Variants in FABP6 observed in about 807,000 individuals in gnomAD.
FABP6 encodes the protein gastrotropin.
In FABP6, 13 loss-of-function variants were observed where a neutral mutation model predicts 14.9. The observed-to-expected ratio is 0.87, with a 90% CI of 0.57 to 1.39. The LOEUF is 1.39. Among genes scored for constraint, FABP6 ranks in the 40% most tolerant of loss-of-function variants. The probability of loss-of-function intolerance (pLI) is 0.00; values close to 1 mark genes in which losing one functional copy is unlikely to be tolerated. For synonymous variants in FABP6, 75 were observed against 63.6 expected (o/e 1.18, Z -0.85); for missense variants, 161 against 167.2 (o/e 0.96, Z 0.20).
At chr5:160,204,120 T>C (rs1376042309) in intron 2 of FABP6, among the ~76,000 whole-genome samples, 2 of 139,226 alleles carry the variant, frequency 1.4e-5, no homozygotes, top group African/African-American at 2.7e-5. Context: ...GCCTAGGCAA[T>C]AGAGTGAGAC....
chr5:160,232,381 C>A (rs1760409816), intron 2 of FABP6, 108 bp downstream of exon 2: 1 of 1,208,310 alleles, frequency 8.3e-7, no homozygotes. Flanking sequence ...TCCAGTTTGG[C>A]CTCCAGCATT....
At chr5:160,198,838 C>A in intron 1 of FABP6, 1 of 498,478 alleles carries the variant, frequency 2.0e-6, no homozygotes, top group Non-Finnish European at 3.6e-6. Flanking sequence ...CAAATACTGG[C>A]CCATCATCCT....
intron 3 of FABP6, among the ~76,000 whole-genome samples, chr5:160,219,740 C>A (rs991796193): frequency 6.6e-6 from 1 of 152,124 alleles, no homozygotes; most frequent in Non-Finnish European, 1.5e-5. Context: ...GGGAGTTAAG[C>A]GGGGGCCTGG....
At chr5:160,209,811 A>C (rs1759848969) in intron 2 of FABP6, among the ~76,000 whole-genome samples, 1 of 152,102 alleles carries the variant, frequency 6.6e-6, no homozygotes, top group Non-Finnish European at 1.5e-5. Context: ...TTGGCCTCTC[A>C]AAGTGCTGGG....
chr5:160,224,297 G>A (rs1760197151), intron 3 of FABP6, among the ~76,000 whole-genome samples: 2 of 151,994 alleles, frequency 1.3e-5, no homozygotes, highest in South Asian at 2.1e-4. Flanking sequence ...GATGGTGAAT[G>A]CCTGTGATCC....
chr5:160,229,312 A>G, upstream of FABP6: 1 of 758,014 alleles, frequency 1.3e-6, no homozygotes, highest in East Asian at 3.2e-5. Flanking sequence ...TGCCATCCTG[A>G]CCCTGCTGGC....
At chr5:160,232,906 T>A (rs966044013) in intron 2 of FABP6, among the ~76,000 whole-genome samples, 1 of 147,558 alleles carries the variant, frequency 6.8e-6, no homozygotes, top group South Asian at 2.1e-4. Flanking sequence ...CACAAAAAAA[T>A]AAATAAATAA....
intron 1 of FABP6, among the ~76,000 whole-genome samples, chr5:160,193,231 A>G (rs1257939081): frequency 2.6e-5 from 4 of 151,012 alleles, no homozygotes; most frequent in Non-Finnish European, 4.4e-5. Context: ...GAAACTGCAG[A>G]CTTTCGCGGT....
At chr5:160,191,690 G>T (rs944332927) in intron 1 of FABP6, among the ~76,000 whole-genome samples, 3 of 150,956 alleles carry the variant, frequency 2.0e-5, no homozygotes, top group African/African-American at 7.3e-5. Context: ...GGCCGGGCGC[G>T]GTGGCTCACG....
intron 1 of FABP6, among the ~76,000 whole-genome samples, chr5:160,191,224 G>T (rs1257001779): frequency 6.6e-6 from 1 of 151,972 alleles, no homozygotes; most frequent in African/African-American, 2.4e-5. Flanking sequence ...CTAGCACTTT[G>T]AGAGGCCAAG....
intron 2 of FABP6, among the ~76,000 whole-genome samples, 189 bp downstream of exon 2, chr5:160,232,462 A>C (rs1446462160): frequency 6.6e-6 from 1 of 152,236 alleles, no homozygotes; most frequent in African/African-American, 2.4e-5. Context: ...TAAAACAATA[A>C]GAAAAATAGC....
At chr5:160,227,188 G>A (rs1415026518), upstream of FABP6, among the ~76,000 whole-genome samples, 2 of 152,114 alleles carry the variant, frequency 1.3e-5, no homozygotes, top group Non-Finnish European at 2.9e-5. Context: ...ATAAACAGGA[G>A]GTAACAGAGC....
chr5:160,228,883 T>C (rs1315276915), upstream of FABP6, among the ~76,000 whole-genome samples: 3 of 152,152 alleles, frequency 2.0e-5, no homozygotes, highest in African/African-American at 7.2e-5. Context: ...CTCAGCCTCC[T>C]CCAACCTTCC....
At chr5:160,195,999 G>T in intron 1 of FABP6, 1 of 152,626 alleles carries the variant, frequency 6.6e-6, no homozygotes. Flanking sequence ...CTCTGTAGCT[G>T]GGTCCAGGCA....
chr5:160,213,075 G>T (rs903614996), intron 2 of FABP6, among the ~76,000 whole-genome samples: 1 of 152,156 alleles, frequency 6.6e-6, no homozygotes, highest in African/African-American at 2.4e-5. Flanking sequence ...CCTTCTTCAA[G>T]AACTGTCCAC....
intron 2 of FABP6, among the ~76,000 whole-genome samples, chr5:160,206,083 A>G (rs138083020): frequency 1.5e-4 from 23 of 152,290 alleles, no homozygotes; most frequent in Non-Finnish European, 2.8e-4. Flanking sequence ...ATAAACAACT[A>G]GAGCCATATA....
upstream of FABP6, among the ~76,000 whole-genome samples, chr5:160,226,214 T>A (rs1406201653): frequency 6.6e-6 from 1 of 151,860 alleles, no homozygotes; most frequent in East Asian, 1.9e-4. Context: ...TTGCTTGTAT[T>A]AGGGTTATGG....
intron 3 of FABP6, among the ~76,000 whole-genome samples, chr5:160,216,251 A>T (rs1760010420): frequency 6.6e-6 from 1 of 151,310 alleles, no homozygotes; most frequent in Non-Finnish European, 1.5e-5. Context: ...TGAATATATG[A>T]CTTACAGTTC....
chr5:160,232,905 AT>A (rs1580924494), intron 2 of FABP6, among the ~76,000 whole-genome samples: 2 of 151,642 alleles, frequency 1.3e-5, no homozygotes, highest in East Asian at 3.9e-4. Flanking sequence ...ACACAAAAAA[AT>A]AAATAAATAA....
Sources: gnomAD v4.1 joint callset for allele counts (sites outside exome capture counted in the v4.1 genomes callset) on GRCh38, gnomAD v4.1.1 for gene constraint, MANE v1.5 for transcripts, NCBI Gene and HGNC (gene_info 2026-07-23, HGNC 2026-07-21) for gene names.